The following IRAK1BP1 variants were observed in gnomAD, a reference collection of about 807,000 sequenced individuals.
IRAK1BP1 encodes interleukin-1 receptor-associated kinase 1-binding protein 1.
Under a neutral mutation model 28.0 loss-of-function variants are expected in IRAK1BP1, and 24 were observed. That is an observed-to-expected ratio of 0.86 (90% CI 0.62 to 1.20). The LOEUF (loss-of-function observed/expected upper bound fraction) is 1.20. Among genes scored for constraint, IRAK1BP1 ranks in the 50% most tolerant of loss-of-function variants. The pLI, the probability that IRAK1BP1 is intolerant of heterozygous loss-of-function variation, is 0.00. For synonymous variants in IRAK1BP1, 131 were observed against 116.3 expected, an observed-to-expected ratio of 1.13 and a Z score of -0.81; for missense variants, 336 against 316.7, an observed-to-expected ratio of 1.06 and a Z score of -0.46.
chr6:78,962,278 T>C, the IRAK1BP1 span, among the ~76,000 whole-genome samples: 2 of 152,258 alleles, frequency 1.3e-5, no homozygotes, highest in East Asian at 3.9e-4. Context: ...CCAGAAGTTT[T>C]GATTCAGTGA....
At chr6:78,976,016 A>G in the IRAK1BP1 span, among the ~76,000 whole-genome samples, 1 of 151,972 alleles carries the variant, frequency 6.6e-6, no homozygotes, top group Non-Finnish European at 1.5e-5. Context: ...CAGAATTGGA[A>G]AAAACTACTT....
At chr6:78,919,063 C>T (rs775132403) in intron 4 of IRAK1BP1, among the ~76,000 whole-genome samples, 1 of 152,158 alleles carries the variant, frequency 6.6e-6, no homozygotes, top group Non-Finnish European at 1.5e-5. Context: ...CAAAACCACA[C>T]AATTACAGGG....
At chr6:78,926,961 G>A (rs1448902965) in intron 4 of IRAK1BP1, among the ~76,000 whole-genome samples, 1 of 152,024 alleles carries the variant, frequency 6.6e-6, no homozygotes, top group Non-Finnish European at 1.5e-5. Context: ...TGGACACTTA[G>A]GTTCCTTCCA....
downstream of IRAK1BP1, among the ~76,000 whole-genome samples, chr6:78,906,440 G>A (rs966254382): frequency 6.6e-6 from 1 of 152,144 alleles, no homozygotes; most frequent in African/African-American, 2.4e-5. Context: ...CTACAAAATT[G>A]TTTGCCCCCA....
chr6:78,954,671 T>C, the IRAK1BP1 span: 1 of 560,842 alleles, frequency 1.8e-6, no homozygotes, highest in Non-Finnish European at 3.0e-6. Context: ...GGATTCTCTA[T>C]GTAGCCAAAT....
At chr6:78,897,387 A>G (rs547280738) in intron 2 of IRAK1BP1, among the ~76,000 whole-genome samples, 44 of 152,270 alleles carry the variant, frequency 2.9e-4, no homozygotes, top group African/African-American at 1.0e-3. Context: ...AGTGAAATAC[A>G]TTAGCTTCCA....
the IRAK1BP1 span, among the ~76,000 whole-genome samples, chr6:78,967,656 A>C: frequency 6.6e-6 from 1 of 152,206 alleles, no homozygotes. Flanking sequence ...TAACCCATAA[A>C]TTAGAATAAA....
chr6:78,945,049 A>T (rs187916911), intron 4 of IRAK1BP1, among the ~76,000 whole-genome samples: 27 of 151,426 alleles, frequency 1.8e-4, no homozygotes, highest in Non-Finnish European at 3.7e-4. Flanking sequence ...GGTTAACTAT[A>T]CCCTATTTAA....
chr6:78,883,844 T>C (rs1289981293), intron 1 of IRAK1BP1, among the ~76,000 whole-genome samples: 1 of 152,178 alleles, frequency 6.6e-6, no homozygotes, highest in African/African-American at 2.4e-5. Context: ...AATCATACCT[T>C]GTTCAGTGTG....
chr6:78,974,064 A>G, the IRAK1BP1 span, among the ~76,000 whole-genome samples: 1 of 152,184 alleles, frequency 6.6e-6, no homozygotes, highest in Non-Finnish European at 1.5e-5. Context: ...TCAAATCAAC[A>G]GAATATACAT....
chr6:78,914,970 G>C (rs1014423177), intron 4 of IRAK1BP1, among the ~76,000 whole-genome samples: 1 of 151,884 alleles, frequency 6.6e-6, no homozygotes, highest in Non-Finnish European at 1.5e-5. Flanking sequence ...ATAGGCACGT[G>C]CCACCATGCC....
At chr6:78,884,668 TG>T (rs1376101362) in intron 1 of IRAK1BP1, among the ~76,000 whole-genome samples, 4 of 152,144 alleles carry the variant, frequency 2.6e-5, no homozygotes, top group Non-Finnish European at 5.9e-5. Context: ...GGTATTAACC[TG>T]ATTTGATAAA....
At chr6:78,884,294 G>C (rs1181378942) in intron 1 of IRAK1BP1, among the ~76,000 whole-genome samples, 1 of 151,640 alleles carries the variant, frequency 6.6e-6, no homozygotes, top group Non-Finnish European at 1.5e-5. Context: ...AAATTACTTG[G>C]CATAATCATA....
chr6:78,922,450 G>T (rs181990239), intron 4 of IRAK1BP1, among the ~76,000 whole-genome samples: 1 of 152,204 alleles, frequency 6.6e-6, no homozygotes, highest in African/African-American at 2.4e-5. Flanking sequence ...CATCTGATTG[G>T]TGTACCTGAA....
In IRAK1BP1 at chr6:78,867,597, T is replaced by C. The variant is rs760835460; in HGVS notation, c.21T>C (p.Pro7=). 6.2e-7 allele frequency: 1 copy of C among 1,614,002 alleles called. No homozygotes were observed. The highest frequency in any genetic ancestry group is 8.5e-7 in the Non-Finnish European group (1 of 1,179,970). MSLQKT[P]PTRVFVELVP... is the part of the protein sequence containing the mutation. ...TCGCTATGTCTCTGCAAAAGACCCCTCCGACCCGAGTGTTCGTGGAACTGG... is the reference window on the plus strand; with the variant it reads ...TCGCTATGTCTCTGCAAAAGACCCCCCCGACCCGAGTGTTCGTGGAACTGG... The change falls in exon 1 of 4, where the codon CCT becomes CCC. Residue 7 remains proline (P), a synonymous_variant. Transcript: ENST00000369940.
intron 4 of IRAK1BP1, among the ~76,000 whole-genome samples, chr6:78,913,707 G>A (rs147733286): frequency 8.7e-4 from 132 of 152,300 alleles, no homozygotes; most frequent in African/African-American, 3.1e-3. Context: ...ACTAAAAAGT[G>A]ATGAGAGTGA....
chr6:78,907,345 A>G (rs1772287001), downstream of IRAK1BP1, among the ~76,000 whole-genome samples: 1 of 152,196 alleles, frequency 6.6e-6, no homozygotes, highest in Admixed American at 6.5e-5. Flanking sequence ...ATAAATGATA[A>G]ATAGCACAAT....
chr6:78,946,061 A>G (rs1056960), exon 5 of IRAK1BP1: 3 of 1,612,624 alleles, frequency 1.9e-6, no homozygotes, highest in South Asian at 2.2e-5. Flanking sequence ...GCAGCTGAAG[A>G]AGTAGATGGT....
chr6:78,923,651 T>A (rs1005955775), intron 4 of IRAK1BP1, among the ~76,000 whole-genome samples: 1 of 152,120 alleles, frequency 6.6e-6, no homozygotes, highest in East Asian at 1.9e-4. Flanking sequence ...ATTCCAAAAT[T>A]GACCACATAG....
Sources: gnomAD v4.1 joint callset for allele counts (sites outside exome capture counted in the v4.1 genomes callset) on GRCh38, gnomAD v4.1.1 for gene constraint, MANE v1.5 for transcripts, NCBI Gene and HGNC (gene_info 2026-07-23, HGNC 2026-07-21) for gene names.